Variants in UTRN observed in about 807,000 individuals in gnomAD.
UTRN encodes dystrophin-related protein 1.
In UTRN, 283 loss-of-function variants were observed where a neutral mutation model predicts 463.9. That is an observed-to-expected ratio of 0.61 (90% CI 0.55 to 0.67). UTRN has a LOEUF of 0.67. Ranked by LOEUF, UTRN falls within the 30% of genes least tolerant of loss-of-function variation. The pLI, the probability that UTRN is intolerant of heterozygous loss-of-function variation, is 0.00. For missense variants in UTRN, 3,922 were observed against 4,084.3 expected (o/e 0.96, Z 1.08); for synonymous variants, 1,442 against 1,431.5 (o/e 1.01, Z -0.17).
intron 51 of UTRN, among the ~76,000 whole-genome samples, chr6:144,639,693 T>C (rs925390110): frequency 6.6e-6 from 1 of 151,602 alleles, no homozygotes; most frequent in Middle Eastern, 3.4e-3. Context: ...TTTTTTTTTT[T>C]CTTATCTTAT....
intron 37 of UTRN, among the ~76,000 whole-genome samples, chr6:144,515,462 A>G (rs182769792): frequency 6.6e-6 from 1 of 152,014 alleles, no homozygotes; most frequent in African/African-American, 2.4e-5. Context: ...TTCACATTGC[A>G]CACACCACAG....
chr6:144,441,983 C>G (rs148137710), intron 13 of UTRN, among the ~76,000 whole-genome samples: 1 of 152,070 alleles, frequency 6.6e-6, no homozygotes, highest in African/African-American at 2.4e-5. Context: ...CCACAAGGCA[C>G]GGGGACCCTG....
chr6:144,821,333 A>G (rs1459163395), intron 66 of UTRN, among the ~76,000 whole-genome samples: 1 of 152,088 alleles, frequency 6.6e-6, no homozygotes, highest in Non-Finnish European at 1.5e-5. Context: ...GTGTGGCATT[A>G]TATAGTCTTT....
intron 34 of UTRN, among the ~76,000 whole-genome samples, chr6:144,508,174 T>G (rs1351820900): frequency 6.6e-6 from 1 of 152,116 alleles, no homozygotes; most frequent in Non-Finnish European, 1.5e-5. Flanking sequence ...CTTGCCGGGC[T>G]CCATGGGGAT....
intron 2 of UTRN, among the ~76,000 whole-genome samples, chr6:144,391,411 C>A (rs954666618): frequency 6.6e-6 from 1 of 152,156 alleles, no homozygotes; most frequent in African/African-American, 2.4e-5. Context: ...AGAAGTCTTA[C>A]AAAATGACCT....
intron 60 of UTRN, among the ~76,000 whole-genome samples, chr6:144,779,190 A>G (rs1775599999): frequency 6.6e-6 from 1 of 152,316 alleles, no homozygotes; most frequent in Admixed American, 6.5e-5. Flanking sequence ...TGTTACTGGC[A>G]TAATTAATGT....
At chr6:144,428,073 G>A (rs1400271723) in intron 7 of UTRN, among the ~76,000 whole-genome samples, 1 of 151,874 alleles carries the variant, frequency 6.6e-6, no homozygotes, top group Non-Finnish European at 1.5e-5. Flanking sequence ...AAGGTGGGTG[G>A]GTCTAACATG....
chr6:144,824,101 G>T (rs976065707), intron 66 of UTRN, among the ~76,000 whole-genome samples: 1 of 152,122 alleles, frequency 6.6e-6, no homozygotes, highest in Non-Finnish European at 1.5e-5. Flanking sequence ...TTGGAGGCAA[G>T]ATAGTTTCAG....
At chr6:144,648,114 A>G (rs1234495061) in intron 51 of UTRN, among the ~76,000 whole-genome samples, 2 of 152,204 alleles carry the variant, frequency 1.3e-5, no homozygotes, top group Admixed American at 6.5e-5. Context: ...CTCTTGCCCA[A>G]GGTCAGACAG....
At chr6:144,732,281 CACATATATATATAT>C (rs1788749234) in intron 54 of UTRN, among the ~76,000 whole-genome samples, 1 of 118,030 alleles carries the variant, frequency 8.5e-6, no homozygotes, top group African/African-American at 3.7e-5. Flanking sequence ...TATATATACA[CACATATATATATAT>C]ACACATATAT....
chr6:144,666,964 C>T (rs1343381981), intron 51 of UTRN, among the ~76,000 whole-genome samples: 3 of 152,160 alleles, frequency 2.0e-5, no homozygotes. Flanking sequence ...TGCGTATGCT[C>T]TTGTGAAACT....
chr6:144,517,244 G>T (rs564698974), intron 39 of UTRN, among the ~76,000 whole-genome samples: 4 of 152,058 alleles, frequency 2.6e-5, no homozygotes, highest in African/African-American at 9.6e-5. Flanking sequence ...TATTTGTGAA[G>T]GTCTTGTCTA....
In UTRN at chr6:144,771,895, T is replaced by C; in HGVS notation, c.8496-12T>C. 1 of 1,562,096 alleles carries C rather than the reference T, an allele frequency of 6.4e-7. No homozygotes were observed. On this transcript the variant is annotated splice_polypyrimidine_tract_variant and intron_variant, in intron 58 of 74. Transcript: ENST00000367545. ...TTTTGTTTATTTTTAAAATTTTACCTTTTTTTTCCAGCCATCAAACACAGA... is the reference window on the plus strand; with the variant it reads ...TTTTGTTTATTTTTAAAATTTTACCCTTTTTTTCCAGCCATCAAACACAGA...
chr6:144,851,172 T>A lies in UTRN; in HGVS notation c.*175T>A. 1.3e-6 allele frequency: 1 copy of A among 776,742 alleles called. No individual in the cohort carries two copies. The allele number at this position is 776,742 out of a possible 1,614,324, so 48.1% of individuals were successfully genotyped here. A position where few individuals can be genotyped will look rare whatever the true frequency, so the allele number is the denominator to read the frequency against. On this transcript the variant is annotated 3_prime_UTR_variant, in exon 75 of 75. Transcript: ENST00000367545. ...CACTGACTATCCAAAGAGAAATGGA[T>A]ATTTTGTTTTTATAATAACCATATA...
intron 50 of UTRN, among the ~76,000 whole-genome samples, chr6:144,572,436 T>C (rs1801028601): frequency 6.6e-6 from 1 of 152,148 alleles, no homozygotes; most frequent in Non-Finnish European, 1.5e-5. Flanking sequence ...AATGTGCAGG[T>C]TTGTTACATA....
chr6:144,613,434 G>A (rs1805732416), intron 51 of UTRN, among the ~76,000 whole-genome samples: 1 of 151,302 alleles, frequency 6.6e-6, no homozygotes, highest in Non-Finnish European at 1.5e-5. Context: ...TAATTAGTTT[G>A]ATTGATCATG....
intron 27 of UTRN, among the ~76,000 whole-genome samples, chr6:144,484,640 A>G (rs911620159): frequency 6.6e-6 from 1 of 151,344 alleles, no homozygotes; most frequent in African/African-American, 2.4e-5. Context: ...ATGGGGTTTC[A>G]CCATGTTGGC....
chr6:144,656,710 ATATAT>A (rs780228171), intron 51 of UTRN, among the ~76,000 whole-genome samples: 41 of 152,242 alleles, frequency 2.7e-4, no homozygotes, highest in Non-Finnish European at 5.4e-4. Context: ...CTTTTGAGTA[ATATAT>A]TAGATATTTA....
At chr6:144,299,370 T>C (rs1057009972) in intron 2 of UTRN, among the ~76,000 whole-genome samples, 9 of 152,358 alleles carry the variant, frequency 5.9e-5, no homozygotes, top group African/African-American at 2.2e-4. Flanking sequence ...ACAACGTTTA[T>C]TATTTCTACT....
Sources: allele counts gnomAD v4.1 joint callset (sites outside exome capture counted in the v4.1 genomes callset), GRCh38; gene constraint gnomAD v4.1.1; transcripts MANE v1.5; gene names NCBI Gene and HGNC (gene_info 2026-07-23, HGNC 2026-07-21).